The following SLC5A11 variants were observed in gnomAD, a reference collection of about 807,000 sequenced individuals.
SLC5A11 encodes the protein sodium/myo-inositol cotransporter 2.
SLC5A11 carries 48 observed loss-of-function variants against 69.8 expected under a neutral mutation model. The observed-to-expected ratio is 0.69, with a 90% CI of 0.55 to 0.87. The LOEUF is 0.87. SLC5A11 is among the 40% of genes least tolerant of loss of function. The probability of loss-of-function intolerance (pLI) is 0.00; values close to 1 mark genes in which losing one functional copy is unlikely to be tolerated. For missense variants in SLC5A11, 784 were observed against 866.1 expected (o/e 0.91, Z 1.19); for synonymous variants, 319 against 342.4 (o/e 0.93, Z 0.75).
At chr16:24,888,003 G>C (rs1456558822) in intron 8 of SLC5A11, among the ~76,000 whole-genome samples, 1 of 152,014 alleles carries the variant, frequency 6.6e-6, no homozygotes, top group African/African-American at 2.4e-5. Context: ...TACTAAAATA[G>C]TTTAACAGAA....
At chr16:24,909,840 A>AT (rs1359798432) in intron 14 of SLC5A11, among the ~76,000 whole-genome samples, 2 of 150,908 alleles carry the variant, frequency 1.3e-5, no homozygotes, top group East Asian at 3.9e-4. Flanking sequence ...AAAAAAAAAA[A>AT]AAAAAAAAAA....
chr16:24,870,119 G>A (rs1445837686), intron 4 of SLC5A11, 114 bp downstream of exon 5: 30 of 735,208 alleles, frequency 4.1e-5, no homozygotes, highest in East Asian at 2.0e-4. Context: ...GGGGCCAGGC[G>A]CGGTGGCTCA....
chr16:24,877,030 A>AGAAGCAG (rs1228262976), intron 6 of SLC5A11: 3 of 1,337,512 alleles, frequency 2.2e-6, no homozygotes, highest in Non-Finnish European at 2.9e-6. Context: ...GACCAAAAGC[A>AGAAGCAG]GAAGCAGGAA....
intron 1 of SLC5A11, among the ~76,000 whole-genome samples, chr16:24,852,656 C>T (rs1046263797): frequency 3.3e-5 from 5 of 152,168 alleles, no homozygotes; most frequent in South Asian, 4.1e-4. Context: ...GTCACTTCAC[C>T]GAGTGGGCCC....
intron 2 of SLC5A11, among the ~76,000 whole-genome samples, chr16:24,861,819 A>AAAG (rs1567584366): frequency 1.3e-5 from 2 of 148,670 alleles, no homozygotes; most frequent in African/African-American, 5.1e-5. Flanking sequence ...AAAAAGAAAG[A>AAAG]AAAAATTAAT....
chr16:24,859,571 A>G (rs1288830182), intron 2 of SLC5A11, among the ~76,000 whole-genome samples: 1 of 152,200 alleles, frequency 6.6e-6, no homozygotes, highest in Non-Finnish European at 1.5e-5. Flanking sequence ...TTGTTAGTAC[A>G]TAAGCGTGTG....
chr16:24,870,210 T>A (rs1265982713), intron 4 of SLC5A11, among the ~76,000 whole-genome samples: 1 of 151,536 alleles, frequency 6.6e-6, no homozygotes, highest in Non-Finnish European at 1.5e-5. Context: ...CTGGCCAACG[T>A]GGCGAAACCC....
chr16:24,880,877 G>A (rs1597141619), intron 7 of SLC5A11, among the ~76,000 whole-genome samples: 1 of 152,054 alleles, frequency 6.6e-6, no homozygotes, highest in Non-Finnish European at 1.5e-5. Context: ...GCCAACGTCG[G>A]TTATCTTTTG....
At chr16:24,901,958 G>GCA (rs56126191) in intron 10 of SLC5A11, among the ~76,000 whole-genome samples, 2,669 of 136,580 alleles carry the variant, frequency 0.02, 68 homozygotes, top group African/African-American at 0.063. Flanking sequence ...ACACACACAC[G>GCA]CACACACACA....
intron 8 of SLC5A11, among the ~76,000 whole-genome samples, chr16:24,887,778 A>G (rs2152353383): frequency 6.6e-6 from 1 of 152,296 alleles, no homozygotes; most frequent in East Asian, 1.9e-4. Context: ...CTCAAGATTT[A>G]TATTTTGGGT....
At chr16:24,872,687 A>T (rs1597092451) in intron 5 of SLC5A11, among the ~76,000 whole-genome samples, 1 of 146,316 alleles carries the variant, frequency 6.8e-6, no homozygotes. Flanking sequence ...TAATTTTTGC[A>T]TTTTTTTTTT....
exon 16 of SLC5A11, chr16:24,911,456 T>C: frequency 6.2e-7 from 1 of 1,614,132 alleles, no homozygotes. Context: ...AGAAAACCCC[T>C]TGGTGAAGAC....
At chr16:24,889,799 CG>C (rs1326040242) in intron 8 of SLC5A11, among the ~76,000 whole-genome samples, 2 of 151,816 alleles carry the variant, frequency 1.3e-5, no homozygotes, top group Non-Finnish European at 2.9e-5. Context: ...TCGCCCACCT[CG>C]GCCTCCCAAA....
rs774076952 is a variant in SLC5A11, at chr16:24,907,955, G to A, written c.1266-8G>A. ...ATGCTAATTTGTGCCTCTCGCCGCC[G>A]GCACCAGGGTGTTTGTGCTGCTGCT... On this transcript the variant is annotated splice_region_variant and splice_polypyrimidine_tract_variant and intron_variant, in intron 12 of 15. Coordinates refer to ENST00000347898, the Ensembl canonical transcript of SLC5A11. 1.3e-5 allele frequency: 21 copies of A among 1,613,776 alleles called. No homozygotes were observed. The highest frequency in any genetic ancestry group is 2.2e-5 in the South Asian group (2 of 91,054).
intron 1 of SLC5A11, among the ~76,000 whole-genome samples, chr16:24,851,994 T>TCTCTCC (rs779064066): frequency 2.7e-4 from 35 of 127,696 alleles, no homozygotes; most frequent in African/African-American, 6.4e-4. Flanking sequence ...TCTCTCTCTC[T>TCTCTCC]CCCACTCTAT....
chr16:24,905,628 A>ACACGCGCG (rs2049978790), intron 10 of SLC5A11, among the ~76,000 whole-genome samples: 2 of 128,542 alleles, frequency 1.6e-5, no homozygotes, highest in African/African-American at 3.0e-5. Flanking sequence ...TCTCAAAAAC[A>ACACGCGCG]CGCGCGCGCG....
intron 9 of SLC5A11, among the ~76,000 whole-genome samples, chr16:24,893,067 T>C (rs970400855): frequency 3.4e-5 from 5 of 148,732 alleles, no homozygotes; most frequent in Non-Finnish European, 5.9e-5. Flanking sequence ...AGTCAGGAGT[T>C]TGAGACCAGC....
At chr16:24,869,169 G>T (rs1471578048) in intron 3 of SLC5A11, among the ~76,000 whole-genome samples, 1 of 151,902 alleles carries the variant, frequency 6.6e-6, no homozygotes, top group Non-Finnish European at 1.5e-5. Context: ...CGCCCGGCTG[G>T]ACCTGCCTTT....
At chr16:24,895,518 A>T (rs997342992) in intron 9 of SLC5A11, among the ~76,000 whole-genome samples, 11 of 148,730 alleles carry the variant, frequency 7.4e-5, no homozygotes, top group Middle Eastern at 3.4e-3. Context: ...AAGAAAAAAA[A>T]GTAGGAAAGG....
Sources: gnomAD v4.1 joint callset for allele counts (sites outside exome capture counted in the v4.1 genomes callset) on GRCh38, gnomAD v4.1.1 for gene constraint, MANE v1.5 for transcripts, NCBI Gene and HGNC (gene_info 2026-07-23, HGNC 2026-07-21) for gene names.